Variants in CSMD1 observed in about 807,000 individuals in gnomAD.
CSMD1 encodes the protein CUB and sushi domain-containing protein 1.
In CSMD1, 213 loss-of-function variants were observed where a neutral mutation model predicts 417.5. The observed-to-expected ratio is 0.51, with a 90% CI of 0.46 to 0.57. The LOEUF (loss-of-function observed/expected upper bound fraction) is 0.57. CSMD1 is among the 20% of genes least tolerant of loss of function. The probability of loss-of-function intolerance (pLI) is 0.00; values close to 1 mark genes in which losing one functional copy is unlikely to be tolerated. For missense variants in CSMD1, 6,923 were observed against 4,529.7 expected (o/e 1.53, Z -15.17); for synonymous variants, 2,862 against 1,736.8 (o/e 1.65, Z -16.11).
intron 5 of CSMD1, among the ~76,000 whole-genome samples, chr8:3,912,397 G>A (rs1042673964): frequency 1.3e-5 from 2 of 152,162 alleles, no homozygotes; most frequent in Admixed American, 6.5e-5. Context: ...GCCAATTTGG[G>A]TGCAGGGACA....
chr8:4,245,666 C>T (rs1481940169), intron 3 of CSMD1, among the ~76,000 whole-genome samples: 6 of 152,068 alleles, frequency 3.9e-5, no homozygotes, highest in African/African-American at 1.4e-4. Flanking sequence ...CAATCTACCC[C>T]ATATGAATGA....
chr8:4,673,465 C>T (rs560697452), intron 1 of CSMD1, among the ~76,000 whole-genome samples: 7 of 152,228 alleles, frequency 4.6e-5, no homozygotes, highest in East Asian at 1.9e-4. Flanking sequence ...TCATTGGCCA[C>T]ATTATCTAAA....
chr8:3,688,702 ATTTC>A (rs1800073421), intron 7 of CSMD1, among the ~76,000 whole-genome samples: 1 of 152,182 alleles, frequency 6.6e-6, no homozygotes, highest in Non-Finnish European at 1.5e-5. Flanking sequence ...GGCACTCTGA[ATTTC>A]TTTCTCCTCA....
At chr8:4,865,004 T>C (rs1385638032) in intron 1 of CSMD1, among the ~76,000 whole-genome samples, 3 of 151,480 alleles carry the variant, frequency 2.0e-5, no homozygotes, top group Non-Finnish European at 4.4e-5. Flanking sequence ...AGTCTGATTT[T>C]TTAAATTTTA....
chr8:3,843,747 T>C (rs1803292425), intron 5 of CSMD1, among the ~76,000 whole-genome samples: 2 of 152,108 alleles, frequency 1.3e-5, no homozygotes, highest in Admixed American at 6.6e-5. Flanking sequence ...CTTCGGGAAA[T>C]GTTTTAAAGC....
Position 3,838,722 on chromosome 8 carries a change from AAATT to A in CSMD1, c.819-84684_819-84681del, listed in dbSNP as rs1403301770. 2.7e-4 allele frequency among the ~76,000 whole-genome samples: 23 copies of A among 85,104 alleles called. 2 individuals are homozygous for A. Among genetic ancestry groups the A allele is most frequent in the South Asian group, 1.7e-3 (5 of 3,024 alleles). The allele number at this position is 85,104 out of a possible 152,430, so 55.8% of individuals were successfully genotyped here. A position where few individuals can be genotyped will look rare whatever the true frequency, so the allele number is the denominator to read the frequency against. On this transcript the variant is annotated intron_variant, in intron 5 of 69. Coordinates refer to ENST00000635120, the MANE Select transcript of CSMD1 (RefSeq NM_033225.6). ...AATATTATATAGTATAATATATAAT[AAATT>A]AATATTATATAGTATAATATATAAT...
chr8:3,125,822 C>G (rs577788070), intron 41 of CSMD1, among the ~76,000 whole-genome samples: 1 of 152,162 alleles, frequency 6.6e-6, no homozygotes, highest in South Asian at 2.1e-4. Context: ...ACTAAAATTC[C>G]AAAAATTAGC....
At chr8:4,954,791 T>C (rs34021868) in intron 1 of CSMD1, among the ~76,000 whole-genome samples, 10,655 of 152,218 alleles carry the variant, frequency 0.07, 458 homozygotes, top group South Asian at 0.15. Flanking sequence ...CGGTTTTCCA[T>C]ACTTGACTTT....
At chr8:3,374,915 T>G (rs1294502329) in intron 18 of CSMD1, among the ~76,000 whole-genome samples, 1 of 152,144 alleles carries the variant, frequency 6.6e-6, no homozygotes, top group Non-Finnish European at 1.5e-5. Context: ...TGCCTGGAAC[T>G]CAGAAATTGA....
At chr8:4,917,927 T>A (rs1806180769) in intron 1 of CSMD1, among the ~76,000 whole-genome samples, 1 of 152,174 alleles carries the variant, frequency 6.6e-6, no homozygotes, top group Admixed American at 6.5e-5. Context: ...GCATTTACAA[T>A]CAGAAGTTGA....
chr8:3,212,920 C>A (rs1418368629), intron 30 of CSMD1, among the ~76,000 whole-genome samples: 1 of 151,106 alleles, frequency 6.6e-6, no homozygotes, highest in Non-Finnish European at 1.5e-5. Context: ...CCTCTGCCTC[C>A]CGGGTTCAAG....
intron 2 of CSMD1, among the ~76,000 whole-genome samples, chr8:4,452,495 A>T (rs1256269783): frequency 6.6e-6 from 1 of 152,212 alleles, no homozygotes; most frequent in African/African-American, 2.4e-5. Flanking sequence ...ATGACCTGCT[A>T]ACTACAGCTT....
At chr8:3,325,978 C>A (rs1045788450) in intron 23 of CSMD1, among the ~76,000 whole-genome samples, 3 of 152,090 alleles carry the variant, frequency 2.0e-5, no homozygotes, top group Non-Finnish European at 4.4e-5. Flanking sequence ...GGAAATTATT[C>A]AAATCAATGG....
chr8:3,920,517 T>G (rs1809167592), intron 5 of CSMD1, among the ~76,000 whole-genome samples: 1 of 152,170 alleles, frequency 6.6e-6, no homozygotes, highest in African/African-American at 2.4e-5. Context: ...AGTACTATAT[T>G]AAGTACGTTT....
At chr8:4,596,271 G>A (rs1008646500) in intron 2 of CSMD1, among the ~76,000 whole-genome samples, 2 of 152,048 alleles carry the variant, frequency 1.3e-5, no homozygotes, top group African/African-American at 2.4e-5. Flanking sequence ...AAGTAAAAGC[G>A]GGAAGCACAA....
intron 2 of CSMD1, among the ~76,000 whole-genome samples, chr8:4,533,260 G>C (rs1206984402): frequency 1.3e-5 from 2 of 152,208 alleles, no homozygotes; most frequent in Non-Finnish European, 2.9e-5. Context: ...CTTTGGTAGA[G>C]ACGGCCGCTT....
At position 3,377,858 on chromosome 8, in the gene CSMD1, G is replaced by C. The variant is rs1029582832; in HGVS notation, c.2783-8488C>G. Reference sequence around the variant, plus strand: ...TGTATTGAGTATGTAAAATGTATTAGTCTAAGATATATTCAATATAAGTTG... The same window carrying C: ...TGTATTGAGTATGTAAAATGTATTACTCTAAGATATATTCAATATAAGTTG... On this transcript the variant is annotated intron_variant, in intron 18 of 69. Transcript: ENST00000635120. 2.6e-5 allele frequency among the ~76,000 whole-genome samples: 4 copies of C among 152,136 alleles called. No individual in the cohort carries two copies. The South Asian group carries it at 6.2e-4, about 24-fold the overall frequency.
At chr8:3,427,774 T>A (rs1266906319) in intron 12 of CSMD1, among the ~76,000 whole-genome samples, 1 of 152,192 alleles carries the variant, frequency 6.6e-6, no homozygotes, top group East Asian at 1.9e-4. Flanking sequence ...TTAATGAAAT[T>A]CAGAGAGGAA....
rs936131348 is a variant in CSMD1 at position 4,501,150 on chromosome 8, G to A, written c.303-81085C>T. ...ACACATAATGATATCTCACATATATGTGTATATGTTTATGTGTATGCATAT... is the reference window on the plus strand; with the variant it reads ...ACACATAATGATATCTCACATATATATGTATATGTTTATGTGTATGCATAT... On this transcript the variant is annotated intron_variant, in intron 2 of 69. Coordinates refer to ENST00000635120, the MANE Select transcript of CSMD1 (RefSeq NM_033225.6). 3.3e-5 allele frequency among the ~76,000 whole-genome samples: 5 copies of A among 152,004 alleles called. No homozygotes were observed. In the East Asian group the frequency reaches 7.7e-4, roughly 23 times the overall value.
Sources: gnomAD v4.1 joint callset for allele counts (sites outside exome capture counted in the v4.1 genomes callset) on GRCh38, gnomAD v4.1.1 for gene constraint, MANE v1.5 for transcripts, NCBI Gene and HGNC (gene_info 2026-07-23, HGNC 2026-07-21) for gene names.